ALS2: variants seen among roughly 807,000 people sequenced by gnomAD.
ALS2 encodes alsin Rho guanine nucleotide exchange factor ALS2, also known as alsin.
Under a neutral mutation model 203.4 loss-of-function variants are expected in ALS2, and 117 were observed. That is an observed-to-expected ratio of 0.58 (90% CI 0.50 to 0.67). The LOEUF is 0.67. Ranked by LOEUF, ALS2 falls within the 30% of genes least tolerant of loss-of-function variation. The pLI is 0.00. For synonymous variants in ALS2, 718 were observed against 725.9 expected, an observed-to-expected ratio of 0.99 and a Z score of 0.17; for missense variants, 1,715 against 1,989.4, an observed-to-expected ratio of 0.86 and a Z score of 2.62.
rs1323686403 is a variant in ALS2 at position 201,723,498 on chromosome 2, A to G, written c.3513-57T>C. Reference sequence around the variant, plus strand: ...CTGAAGATAAGGATAAAGTAGGGAAAAGACAATTATCACATGGGAGATCCC... The same window carrying G: ...CTGAAGATAAGGATAAAGTAGGGAAGAGACAATTATCACATGGGAGATCCC... On this transcript the variant is annotated intron_variant, in intron 21 of 33. Transcript: ENST00000264276. 15 of 1,434,854 alleles carry G rather than the reference A, an allele frequency of 1.0e-5. No individual in the cohort carries two copies. In the East Asian group the frequency reaches 3.4e-4, roughly 33 times the overall value. The allele number at this position is 1,434,854 out of a possible 1,614,324, so 88.9% of individuals were successfully genotyped here.
rs1443017671 is a variant in ALS2, at chr2:201,727,753, G to A, written c.2864C>T (p.Pro955Leu). ...HAQFSTHHVF[P>L]LATLWAEPLS... is the part of the protein sequence containing the mutation. ...TGGCTCTGCCCACAGCGTGGCCAGA[G>A]GGAAAACATGGTGCGTGGAGAACTG... The change falls in exon 16 of 34, where the codon CCT becomes CTT. Residue 955 changes from proline to leucine, a missense_variant. Physicochemically the swap from Pro to Leu is moderately conservative, Grantham distance 98. Transcript: ENST00000264276. 20 of 1,551,600 alleles carry A rather than the reference G, an allele frequency of 1.3e-5. No individual in the cohort carries two copies. Among genetic ancestry groups the A allele is most frequent in the East Asian group, 9.8e-5 (4 of 40,922 alleles).
chr2:201,719,805 A>C (rs893953415), intron 23 of ALS2, among the ~76,000 whole-genome samples: 4 of 152,200 alleles, frequency 2.6e-5, no homozygotes. Flanking sequence ...CATCACAAAC[A>C]TACGAAGACA....
chr2:201,719,536 C>T (rs1690627385), intron 23 of ALS2, among the ~76,000 whole-genome samples: 1 of 152,116 alleles, frequency 6.6e-6, no homozygotes, highest in Non-Finnish European at 1.5e-5. Flanking sequence ...TTGCAGTGAG[C>T]TGACATCATG....
chr2:201,738,393 A>T, intron 12 of ALS2: 1 of 457,994 alleles, frequency 2.2e-6, no homozygotes, highest in Non-Finnish European at 4.0e-6. Flanking sequence ...CACTAGGCCT[A>T]CTGAGGTAAA....
chr2:201,754,514 A>T lies in ALS2; in HGVS notation c.1629T>A (p.Asp543Glu), dbSNP rs1298814532. ...TTGGTAGCGCTTACCTAGGCAGAAC[A>T]TCGCCGTGCCCCAGCTGCCCTTCCT... ...KGKEGQLGHG[D>E]VLPRLQPLCV... is the part of the protein sequence containing the mutation. Residue 543 changes from aspartate to glutamate, a missense_variant, in exon 6 of 34, where the codon GAT becomes GAA. Physicochemically the swap from Asp to Glu is conservative, Grantham distance 45. Transcript: ENST00000264276. 1.9e-6 allele frequency: 3 copies of T among 1,613,966 alleles called. No homozygotes were observed. Among genetic ancestry groups the T allele is most frequent in the Non-Finnish European group, 2.5e-6 (3 of 1,179,980 alleles).
In ALS2 at chr2:201,700,615, T is replaced by G. The variant is rs1298509698; in HGVS notation, c.*1236A>C. 1 of 152,656 alleles carries G rather than the reference T, an allele frequency of 6.6e-6. No individual in the cohort carries two copies. Among genetic ancestry groups the G allele is most frequent in the Non-Finnish European group, 1.5e-5 (1 of 68,050 alleles). 9.5% of individuals were successfully genotyped at this position (152,656 alleles called of 1,614,324 possible). On this transcript the variant is annotated 3_prime_UTR_variant, in exon 34 of 34. Coordinates refer to ENST00000264276, the MANE Select transcript of ALS2 (RefSeq NM_020919.4). ...CATTACAGCCAACATTCCAAAACAG[T>G]ATTTTAATAAACACTTGTCTTGATT...
Position 201,701,880 on chromosome 2 carries a change from A to G in ALS2, c.4945T>C (p.Tyr1649His), listed in dbSNP as rs1162184416. Reference sequence around the variant, plus strand: ...TTAAGCTTCTCACGCTGAATCTGGTAGTAACATGCCTGGAAGAAAAGTTCA... The same window carrying G: ...TTAAGCTTCTCACGCTGAATCTGGTGGTAACATGCCTGGAAGAAAAGTTCA... ...IMFTTLKACY[Y>H]QIQREKLN The change falls in exon 34 of 34, where the codon TAC becomes CAC. Residue 1649 changes from tyrosine (Y) to histidine (H), a missense_variant. Physicochemically the swap from Tyr to His is moderately conservative, Grantham distance 83. Coordinates refer to ENST00000264276, the MANE Select transcript of ALS2 (RefSeq NM_020919.4). 6.2e-7 allele frequency: 1 copy of G among 1,613,810 alleles called. No homozygotes were observed. The highest frequency in any genetic ancestry group is 8.5e-7 in the Non-Finnish European group (1 of 1,179,850).
At chr2:201,745,736 G>A (rs1163033500) in intron 9 of ALS2, among the ~76,000 whole-genome samples, 3 of 152,116 alleles carry the variant, frequency 2.0e-5, no homozygotes, top group African/African-American at 7.2e-5. Flanking sequence ...ATCACTTGAG[G>A]TCAGGAGTTC....
At chr2:201,746,197 G>T (rs949336191) in intron 9 of ALS2, among the ~76,000 whole-genome samples, 2 of 152,062 alleles carry the variant, frequency 1.3e-5, no homozygotes, top group African/African-American at 2.4e-5. Context: ...CTACATGAGG[G>T]TGTTAATTCA....
chr2:201,720,082 G>A (rs1448907635), intron 23 of ALS2: 1 of 397,510 alleles, frequency 2.5e-6, no homozygotes, highest in African/African-American at 2.2e-5. Flanking sequence ...CAGAAAATAG[G>A]GGAGGAGGGA....
chr2:201,765,466 A>G (rs1019369362), intron 3 of ALS2: 1 of 167,158 alleles, frequency 6.0e-6, no homozygotes, highest in African/African-American at 2.4e-5. Context: ...TTAAAGTAAG[A>G]TTGTTTTTAA....
intron 4 of ALS2, chr2:201,759,486 AACAC>A (rs753735168): frequency 8.3e-6 from 8 of 959,948 alleles, no homozygotes; most frequent in African/African-American, 5.3e-5. Flanking sequence ...ATTCAATAGA[AACAC>A]ACACATTGTT....
At position 201,746,751 on chromosome 2, in the gene ALS2, G is replaced by A; in HGVS notation, c.1816-3C>T. Reference sequence around the variant, plus strand: ...CAGACTCCATTTTCACTGCTTATCTGCAACGACAGAAAGATAGTGTCTGTC... The same window carrying A: ...CAGACTCCATTTTCACTGCTTATCTACAACGACAGAAAGATAGTGTCTGTC... On this transcript the variant is annotated splice_region_variant and splice_polypyrimidine_tract_variant and intron_variant, in intron 8 of 33. Transcript: ENST00000264276. 2.5e-6 allele frequency: 4 copies of A among 1,614,040 alleles called. No homozygotes were observed. The highest frequency in any genetic ancestry group is 3.4e-6 in the Non-Finnish European group (4 of 1,180,002).
chr2:201,722,678 G>A (rs1254195889), intron 23 of ALS2: 1 of 203,806 alleles, frequency 4.9e-6, no homozygotes, highest in African/African-American at 2.4e-5. Context: ...CCACAATATG[G>A]AAAAAACAAA....
At chr2:201,773,103 G>C (rs1694485073) in intron 1 of ALS2, among the ~76,000 whole-genome samples, 1 of 151,956 alleles carries the variant, frequency 6.6e-6, no homozygotes, top group African/African-American at 2.4e-5. Context: ...CTTGTGACCT[G>C]CCCACCTTGG....
Position 201,705,427 on chromosome 2 carries a change from C to T in ALS2, c.4615G>A (p.Glu1539Lys), listed in dbSNP as rs1245446222. The change falls in exon 30 of 34, where the codon GAG (glutamate) becomes AAG (lysine). Residue 1539 changes from glutamate to lysine, a missense_variant. Coordinates refer to ENST00000264276, the MANE Select transcript of ALS2 (RefSeq NM_020919.4). The part of the protein sequence containing the change: ...FWPATLSILG[E>K]SKKVLPTTKD... ...AAAATCTACTATACCTTTTTACTCT[C>T]TCCAAGGATTGACAAGGTTGCTGGC... The T allele has an allele frequency of 6.2e-7, 1 of 1,613,490 alleles. No homozygotes were observed. Among genetic ancestry groups the T allele is most frequent in the Non-Finnish European group, 8.5e-7 (1 of 1,179,610 alleles).
At position 201,727,865 on chromosome 2, in the gene ALS2, T is replaced by G. The variant is rs985276420; in HGVS notation, c.2842-90A>C. 16 of 1,235,228 alleles carry G rather than the reference T, an allele frequency of 1.3e-5. No individual in the cohort carries two copies. In the Admixed American group the frequency reaches 1.8e-4, roughly 14 times the overall value. 76.5% of individuals were successfully genotyped at this position (1,235,228 alleles called of 1,614,324 possible). On this transcript the variant is annotated intron_variant, in intron 15 of 33. Coordinates refer to ENST00000264276, the MANE Select transcript of ALS2 (RefSeq NM_020919.4). ...ATCCCCTTCATGTCATTAACCCACATGGGCCTTGCAGTCTCTGCTGCAGAA... is the reference window on the plus strand; with the variant it reads ...ATCCCCTTCATGTCATTAACCCACAGGGGCCTTGCAGTCTCTGCTGCAGAA...
Position 201,726,535 on chromosome 2 carries a change from C to T in ALS2, c.3197G>A (p.Trp1066Ter). The T allele has an allele frequency of 6.2e-7, 1 of 1,614,070 alleles. No homozygotes were observed. Among genetic ancestry groups the T allele is most frequent in the Non-Finnish European group, 8.5e-7 (1 of 1,179,956 alleles). ...GKPHGRGVLK[W>*]PDGKMYSGMF... ...GCCAGAATACATCTTTCCATCAGGC[C>T]ACTTCAAAACCCCTCTGGAATGCAT... The change falls in exon 19 of 34, where the codon TGG becomes TAG. Residue 1066 changes from tryptophan to a stop codon, truncating the protein, a stop_gained. Coordinates refer to ENST00000264276, the MANE Select transcript of ALS2 (RefSeq NM_020919.4). LOFTEE classifies it high-confidence loss of function.
chr2:201,701,760 A>T lies in ALS2; in HGVS notation c.*91T>A, dbSNP rs997679748. 9 of 1,251,864 alleles carry T rather than the reference A, an allele frequency of 7.2e-6. No homozygotes were observed. The highest frequency in any genetic ancestry group is 1.1e-5 in the Non-Finnish European group (9 of 853,842). 77.5% of individuals were successfully genotyped at this position (1,251,864 alleles called of 1,614,324 possible). A position where few individuals can be genotyped will look rare whatever the true frequency, so the allele number is the denominator to read the frequency against. Reference sequence around the variant, plus strand: ...ATAACACAAAGTCCTTTCCAATTTCAACACTGTTCTTTTTTGCCACTACAG... The same window carrying T: ...ATAACACAAAGTCCTTTCCAATTTCTACACTGTTCTTTTTTGCCACTACAG... On this transcript the variant is annotated 3_prime_UTR_variant, in exon 34 of 34. Transcript: ENST00000264276.
Sources: gnomAD v4.1 joint callset for allele counts (sites outside exome capture counted in the v4.1 genomes callset) on GRCh38, gnomAD v4.1.1 for gene constraint, MANE v1.5 for transcripts, NCBI Gene and HGNC (gene_info 2026-07-23, HGNC 2026-07-21) for gene names.